Variants in SEC31B observed in about 807,000 individuals in gnomAD.
SEC31B encodes the protein protein transport protein Sec31B.
Under a neutral mutation model 135.0 loss-of-function variants are expected in SEC31B, and 113 were observed. The ratio of observed to expected loss-of-function variants is 0.84; its 90% CI spans 0.72 to 0.98. SEC31B has a LOEUF of 0.98. Among genes scored for constraint, SEC31B ranks in the 50% least tolerant of loss-of-function variants. The pLI is 0.00. For synonymous variants in SEC31B, 508 were observed against 549.4 expected, an observed-to-expected ratio of 0.92 and a Z score of 1.05; for missense variants, 1,296 against 1,421.1, an observed-to-expected ratio of 0.91 and a Z score of 1.42.
At chr10:100,499,339 C>T (rs1851473125) in intron 12 of SEC31B, 81 bp from the exon 13 acceptor site, 1 of 1,200,784 alleles carries the variant, frequency 8.3e-7, no homozygotes, top group African/African-American at 1.5e-5. Context: ...TCTCCATACC[C>T]CACCAACTGT....
Position 100,490,068 on chromosome 10 carries a change from C to G in SEC31B, c.2905G>C (p.Asp969His), listed in dbSNP as rs1334831428. Reference sequence around the variant, plus strand: ...ACACTAGAGCATGGGGCACCTGGGTCCCCTGGAAGGTATGGCACAGGGAAG... The same window carrying G: ...ACACTAGAGCATGGGGCACCTGGGTGCCCTGGAAGGTATGGCACAGGGAAG... ...ASFPVPYLPG[D>H]PGAPCSSVLP... is the part of the protein sequence containing the mutation. The change falls in exon 21 of 26, where the codon GAC becomes CAC. Residue 969 changes from aspartate to histidine, a missense_variant. Coordinates refer to ENST00000370345, the MANE Select transcript of SEC31B (RefSeq NM_015490.4). 3 of 1,567,588 alleles carry G rather than the reference C, an allele frequency of 1.9e-6. No individual in the cohort carries two copies. Among genetic ancestry groups the G allele is most frequent in the Non-Finnish European group, 2.6e-6 (3 of 1,160,660 alleles).
intron 3 of SEC31B, among the ~76,000 whole-genome samples, chr10:100,512,866 C>T (rs1037113194): frequency 6.6e-6 from 1 of 152,176 alleles, no homozygotes. Context: ...CTTCTTTATA[C>T]ATAAGTGAGG....
rs1260768729 is a variant in SEC31B, at chr10:100,496,378, A to C, written c.2190T>G (p.Gly730=). ...CAGGGCCTGGGCTCACCCCATGAGG[A>C]CCCCGCAGTTGCTCCAAGCTCCTGT... ...VLNRSLEQLR[G]PHGVSPGPAT... is the part of the protein sequence containing the mutation. The change falls in exon 18 of 26, where the codon GGT becomes GGG. Residue 730 remains glycine, a synonymous_variant. Transcript: ENST00000370345. 1 of 1,613,888 alleles carries C rather than the reference A, an allele frequency of 6.2e-7. No individual in the cohort carries two copies. Among genetic ancestry groups the C allele is most frequent in the Non-Finnish European group, 8.5e-7 (1 of 1,180,000 alleles).
At chr10:100,499,738 A>G (rs1851481478) in intron 11 of SEC31B, 140 bp from the exon 12 acceptor site, 1 of 633,928 alleles carries the variant, frequency 1.6e-6, no homozygotes, top group Non-Finnish European at 2.7e-6. Context: ...GTCCAATGCC[A>G]TCTCTTTTTC....
rs778580334 is a variant in SEC31B at position 100,489,768 on chromosome 10, AATAAAAAG to A, written c.2966-15_2966-8del. 2 of 1,613,862 alleles carry A rather than the reference AATAAAAAG, an allele frequency of 1.2e-6. No individual in the cohort carries two copies. The highest frequency in any genetic ancestry group is 1.7e-6 in the Non-Finnish European group (2 of 1,179,920). On this transcript the variant is annotated splice_region_variant and splice_polypyrimidine_tract_variant and intron_variant, in intron 21 of 25. Transcript: ENST00000370345. The stretch of plus-strand genomic sequence containing the variant: ...TTCCAGGAATCTTGAGGTCCTATAG[AATAAAAAG>A]ATAGAGGTTTTTCGGCGCATAGTGA...
intron 1 of SEC31B, among the ~76,000 whole-genome samples, chr10:100,518,268 A>AC (rs1851885079): frequency 6.6e-6 from 1 of 152,132 alleles, no homozygotes; most frequent in Non-Finnish European, 1.5e-5. Context: ...TAATTTCCTG[A>AC]CATTTTCCTT....
At chr10:100,513,440 A>G (rs1851770079) in intron 3 of SEC31B, among the ~76,000 whole-genome samples, 1 of 152,116 alleles carries the variant, frequency 6.6e-6, no homozygotes. Context: ...CTGGATTTGA[A>G]TGCTGTTTGG....
At chr10:100,512,228 T>C (rs1425599210) in intron 3 of SEC31B, among the ~76,000 whole-genome samples, 4 of 152,204 alleles carry the variant, frequency 2.6e-5, no homozygotes, top group African/African-American at 7.2e-5. Context: ...TGAGGATGGT[T>C]CTTCCAGAGG....
intron 6 of SEC31B, 46 bp from the exon 7 acceptor site, chr10:100,507,613 T>C (rs1465574544): frequency 6.2e-7 from 1 of 1,609,704 alleles, no homozygotes; most frequent in Non-Finnish European, 8.5e-7. Context: ...CTGACTCTTT[T>C]GCCCAGTTGA....
In SEC31B at chr10:100,507,536, T is replaced by C; in HGVS notation, c.671A>G (p.Asp224Gly). ...GCACAGCACTAACTGGGTGGCTATG[T>C]CAGGATGCCAGGCCAGGCCTGAGCA... is the stretch of plus-strand genomic sequence containing the variant. ...MHCSGLAWHPDIATQLVLCSE... is the reference protein window; with the variant it reads ...MHCSGLAWHPGIATQLVLCSE... The change falls in exon 7 of 26, where the codon GAC (aspartate) becomes GGC (glycine). Residue 224 changes from aspartate (D) to glycine (G), a missense_variant. Physicochemically the swap from Asp to Gly is moderately conservative, Grantham distance 94. Coordinates refer to ENST00000370345, the MANE Select transcript of SEC31B (RefSeq NM_015490.4). 6.2e-7 allele frequency: 1 copy of C among 1,614,138 alleles called. No individual in the cohort carries two copies. Among genetic ancestry groups the C allele is most frequent in the Non-Finnish European group, 8.5e-7 (1 of 1,180,028 alleles).
intron 16 of SEC31B, 63 bp downstream of exon 16, chr10:100,497,604 T>G (rs1823619202): frequency 1.9e-6 from 3 of 1,612,136 alleles, no homozygotes; most frequent in South Asian, 1.1e-5. Context: ...CCCTCCTGCA[T>G]GCATCCTTTG....
chr10:100,508,088 C>T lies in SEC31B; in HGVS notation c.496-37G>A, dbSNP rs557268735. On this transcript the variant is annotated intron_variant, in intron 5 of 25. Coordinates refer to ENST00000370345, the MANE Select transcript of SEC31B (RefSeq NM_015490.4). ...TGGGGACAGAAAGATGACAACTTGTCACCCCCTGGACAAAGTGACATCTGC... is the reference window on the plus strand; with the variant it reads ...TGGGGACAGAAAGATGACAACTTGTTACCCCCTGGACAAAGTGACATCTGC... 80 of 1,612,766 alleles carry T rather than the reference C, an allele frequency of 5.0e-5. 4 individuals carry two copies. In the South Asian group the frequency reaches 8.2e-4, roughly 17 times the overall value.
chr10:100,494,034 A>AGGGAGGGAGGAAAGGGAGGGAAAAG, intron 19 of SEC31B, among the ~76,000 whole-genome samples: 1 of 152,014 alleles, frequency 6.6e-6, no homozygotes, highest in African/African-American at 2.4e-5. Flanking sequence ...GGAGGGAAAA[A>AGGGAGGGAGGAAAGGGAGGGAAAAG]AAGAAAAGGA....
Position 100,499,548 on chromosome 10 carries a change from G to A in SEC31B, c.1461C>T (p.Tyr487=), listed in dbSNP as rs77043718. Residue 487 remains tyrosine, a synonymous_variant, in exon 12 of 26, where the codon TAC becomes TAT. Coordinates refer to ENST00000370345, the MANE Select transcript of SEC31B (RefSeq NM_015490.4). ...CCTTCTTCTGAAGCTCATCTTTACT[G>A]TATCCTAAAAGCTTTAGGAATTTCA... ...SRMKFLKLLG[Y]SKDELQKKVA... The A allele has an allele frequency of 3.1e-6, 5 of 1,611,712 alleles. No individual in the cohort carries two copies. In the African/African-American group the frequency reaches 6.7e-5, roughly 22 times the overall value.
Position 100,505,824 on chromosome 10 carries a change from T to A in SEC31B, c.1044+216A>T, listed in dbSNP as rs1194510346. The A allele has an allele frequency of 4.1e-6, 6 of 1,463,982 alleles. No homozygotes were observed. In the African/African-American group the frequency reaches 8.5e-5, roughly 21 times the overall value. 90.7% of individuals were successfully genotyped at this position (1,463,982 alleles called of 1,614,324 possible). A position where few individuals can be genotyped will look rare whatever the true frequency, so the allele number is the denominator to read the frequency against. ...GGTCCCTGAAATACTACAGGGCCCA[T>A]CCAATAACAAGAGTCAAGGTGAAGG... On this transcript the variant is annotated intron_variant, in intron 9 of 25. Coordinates refer to ENST00000370345, the MANE Select transcript of SEC31B (RefSeq NM_015490.4).
At chr10:100,487,979 G>A (rs763563656) in intron 25 of SEC31B, 48 bp downstream of exon 25, 50 of 1,587,542 alleles carry the variant, frequency 3.1e-5, no homozygotes, top group African/African-American at 4.0e-5. Context: ...TGGCCATGGT[G>A]ATGGTGGAAG....
chr10:100,510,290 T>G (rs547588481), intron 3 of SEC31B, among the ~76,000 whole-genome samples: 1 of 152,378 alleles, frequency 6.6e-6, no homozygotes, highest in East Asian at 1.9e-4. Flanking sequence ...CTCTCCCATG[T>G]GGCTGGCCCA....
At chr10:100,515,061 G>A (rs1360486420) in intron 3 of SEC31B, among the ~76,000 whole-genome samples, 6 of 151,872 alleles carry the variant, frequency 4.0e-5, no homozygotes, top group South Asian at 2.1e-4. Flanking sequence ...GGAGGCCAAG[G>A]GGGCTGATCG....
chr10:100,495,058 C>T (rs1007205793), intron 19 of SEC31B: 3 of 335,776 alleles, frequency 8.9e-6, no homozygotes, highest in Non-Finnish European at 1.7e-5. Context: ...GAACTCCAAA[C>T]CTCATGATCT....
Sources: gnomAD v4.1 joint callset for allele counts (sites outside exome capture counted in the v4.1 genomes callset) on GRCh38, gnomAD v4.1.1 for gene constraint, MANE v1.5 for transcripts, NCBI Gene and HGNC (gene_info 2026-07-23, HGNC 2026-07-21) for gene names.